ITGB3BP: variants seen among roughly 807,000 people sequenced by gnomAD.
ITGB3BP encodes the protein centromere protein R.
A neutral mutation model predicts 29.1 loss-of-function variants in ITGB3BP; 27 were observed. The ratio of observed to expected loss-of-function variants is 0.93; its 90% confidence interval spans 0.68 to 1.28. ITGB3BP has a LOEUF of 1.28. Ranked by LOEUF, ITGB3BP falls within the 50% of genes most tolerant of loss-of-function variation. The pLI is 0.00. For synonymous variants in ITGB3BP, 61 were observed against 61.4 expected (o/e 0.99, Z 0.03); for missense variants, 192 against 200.2 (o/e 0.96, Z 0.25).
chr1:63,454,736 TTAAA>T lies in ITGB3BP; in HGVS notation c.333+150_333+153del, dbSNP rs1476129373. On this transcript the variant is annotated intron_variant, in intron 5 of 8. Transcript: ENST00000271002. This position sits in a 1 kb window ranked among gnomAD's most constrained non-coding sequence, Gnocchi z 4.1. ...GCAAGATATTACTAAAATATTATGG[TTAAA>T]TAGTGTTCTCCTATTAAAAAAAAAA... Among the ~76,000 whole-genome samples the T allele has an allele frequency of 1.3e-5, 2 of 152,122 alleles. No homozygotes were observed. Among genetic ancestry groups the T allele is most frequent in the African/African-American group, 4.8e-5 (2 of 41,430 alleles).
At chr1:63,467,046 C>T (rs954306197) in intron 4 of ITGB3BP, among the ~76,000 whole-genome samples, 7 of 151,852 alleles carry the variant, frequency 4.6e-5, no homozygotes, top group African/African-American at 1.7e-4. Flanking sequence ...CCATGCTCGG[C>T]TCATTTTTTT....
chr1:63,461,152 G>A (rs928403195), intron 4 of ITGB3BP, among the ~76,000 whole-genome samples: 1 of 150,508 alleles, frequency 6.6e-6, no homozygotes, highest in African/African-American at 2.4e-5. Context: ...TATTCAGCAG[G>A]CTGAGGCCGG....
chr1:63,492,775 A>C (rs7550087), intron 2 of ITGB3BP, among the ~76,000 whole-genome samples: 43,275 of 152,010 alleles, frequency 0.28, 6,383 homozygotes, highest in Non-Finnish European at 0.32. Context: ...CAAAATAAAA[A>C]AAAACAAAAC....
intron 4 of ITGB3BP, among the ~76,000 whole-genome samples, chr1:63,464,971 G>T (rs974443253): frequency 3.9e-5 from 6 of 152,120 alleles, no homozygotes; most frequent in African/African-American, 1.4e-4. Flanking sequence ...AACTATTTAT[G>T]TAATCTTGGA....
At position 63,463,900 on chromosome 1, in the gene ITGB3BP, T is replaced by C. The variant is rs567606325; in HGVS notation, c.255-8932A>G. Among the ~76,000 whole-genome samples, 4 of 152,204 alleles carry C rather than the reference T, an allele frequency of 2.6e-5. No homozygotes were observed. The East Asian group carries it at 7.7e-4, about 29-fold the overall frequency. On this transcript the variant is annotated intron_variant, in intron 4 of 8. Transcript: ENST00000271002. Reference sequence around the variant, plus strand: ...AGGAATTGATTTCAGGACGTATTCATCAGTAAAAAAGGCAAAGTGAAAAGA... The same window carrying C: ...AGGAATTGATTTCAGGACGTATTCACCAGTAAAAAAGGCAAAGTGAAAAGA...
chr1:63,527,233 A>G (rs1013158564), upstream of ITGB3BP, among the ~76,000 whole-genome samples: 2 of 152,208 alleles, frequency 1.3e-5, no homozygotes, highest in East Asian at 1.9e-4. Flanking sequence ...ATGTATTACT[A>G]AGGTGCTATC....
intron 3 of ITGB3BP, among the ~76,000 whole-genome samples, chr1:63,486,827 C>A (rs1645540167): frequency 6.6e-6 from 1 of 151,920 alleles, no homozygotes; most frequent in South Asian, 2.1e-4. Context: ...TACTGCAATA[C>A]ACAATTTACT....
In ITGB3BP at chr1:63,446,876, T is replaced by G. The variant is rs1437181226; in HGVS notation, c.485-20A>C. ...GTGATGCTATATGAAAGAAGAAAGG[T>G]TTTTTTTTTCAGAAAACAATTCAAA... On this transcript the variant is annotated intron_variant, in intron 7 of 8. Coordinates refer to ENST00000271002, the MANE Select transcript of ITGB3BP (RefSeq NM_014288.5). 4.6e-6 allele frequency: 7 copies of G among 1,512,368 alleles called. No homozygotes were observed. The highest frequency in any genetic ancestry group is 6.3e-6 in the Non-Finnish European group (7 of 1,107,664). The allele number at this position is 1,512,368 out of a possible 1,614,324, so 93.7% of individuals were successfully genotyped here.
intron 2 of ITGB3BP, among the ~76,000 whole-genome samples, chr1:63,505,599 A>G (rs1477844574): frequency 6.6e-6 from 1 of 151,676 alleles, no homozygotes; most frequent in Non-Finnish European, 1.5e-5. Context: ...TTTAATTGTG[A>G]TGTTAGGGGG....
chr1:63,468,862 AAAATAAAT>A lies in ITGB3BP; in HGVS notation c.254+9894_254+9901del, dbSNP rs71045901. ...GGCAATAAGAGCAAAACTCTGTCTC[AAAATAAAT>A]AAATAAATAAATAAATAAATAAATA... On this transcript the variant is annotated intron_variant, in intron 4 of 8. Coordinates refer to ENST00000271002, the MANE Select transcript of ITGB3BP (RefSeq NM_014288.5). Among the ~76,000 whole-genome samples the A allele has an allele frequency of 3.3e-3, 462 of 139,366 alleles. 1 individual carries two copies. Among genetic ancestry groups the A allele is most frequent in the Admixed American group, 5.7e-3 (79 of 13,908 alleles). The allele number at this position is 139,366 out of a possible 152,430, so 91.4% of individuals were successfully genotyped here.
chr1:63,508,837 G>C (rs2036869), intron 1 of ITGB3BP, among the ~76,000 whole-genome samples: 2 of 151,730 alleles, frequency 1.3e-5, no homozygotes, highest in Non-Finnish European at 2.9e-5. Context: ...AAGGACTACC[G>C]TACAATTTAA....
At chr1:63,444,528 A>G (rs1452914463) in intron 8 of ITGB3BP, among the ~76,000 whole-genome samples, 4 of 147,728 alleles carry the variant, frequency 2.7e-5, no homozygotes, top group African/African-American at 9.9e-5. Context: ...ATATATGTAC[A>G]TATATGTAGG....
Position 63,441,119 on chromosome 1 carries a change from GATAATT to G in ITGB3BP, c.*2-22_*2-17del, listed in dbSNP as rs1644724066. Reference sequence around the variant, plus strand: ...TTCTTAATGCCTGTGAGATATAAAAGATAATTATATTATCAAGAATTAGTTAACATG... The same window carrying G: ...TTCTTAATGCCTGTGAGATATAAAAGATATTATCAAGAATTAGTTAACATG... On this transcript the variant is annotated splice_polypyrimidine_tract_variant and intron_variant, in intron 8 of 8. Transcript: ENST00000271002. 1 of 152,298 alleles carries G rather than the reference GATAATT, an allele frequency of 6.6e-6. No homozygotes were observed. The highest frequency in any genetic ancestry group is 2.4e-5 in the African/African-American group (1 of 41,430). The allele number at this position is 152,298 out of a possible 1,614,324, so 9.4% of individuals were successfully genotyped here. A position where few individuals can be genotyped will look rare whatever the true frequency, so the allele number is the denominator to read the frequency against.
intron 1 of ITGB3BP, among the ~76,000 whole-genome samples, chr1:63,511,922 T>C (rs555368832): frequency 2.8e-4 from 42 of 152,054 alleles, no homozygotes; most frequent in Non-Finnish European, 5.3e-4. Context: ...ACCTAAAAAA[T>C]GATTAAAATA....
intron 4 of ITGB3BP, among the ~76,000 whole-genome samples, chr1:63,475,122 G>A (rs1301608878): frequency 6.6e-6 from 1 of 151,902 alleles, no homozygotes; most frequent in Non-Finnish European, 1.5e-5. Context: ...TCACAGGTGT[G>A]CACAACCACA....
chr1:63,463,900 T>G (rs567606325), intron 4 of ITGB3BP, among the ~76,000 whole-genome samples: 3 of 152,086 alleles, frequency 2.0e-5, no homozygotes, highest in African/African-American at 7.2e-5. Context: ...GACGTATTCA[T>G]CAGTAAAAAA....
chr1:63,505,168 AATT>A (rs1203607944), intron 2 of ITGB3BP, among the ~76,000 whole-genome samples: 1 of 152,094 alleles, frequency 6.6e-6, no homozygotes, highest in Non-Finnish European at 1.5e-5. Flanking sequence ...GTAAGCTAAT[AATT>A]ATTGCCTCAA....
chr1:63,516,303 A>T (rs1646320628), intron 1 of ITGB3BP, among the ~76,000 whole-genome samples: 1 of 133,210 alleles, frequency 7.5e-6, no homozygotes, highest in Non-Finnish European at 1.6e-5. Flanking sequence ...TCTCAAAAAA[A>T]AAAAAAAAAA....
chr1:63,488,001 C>T (rs147079168), intron 3 of ITGB3BP, among the ~76,000 whole-genome samples: 1,591 of 152,190 alleles, frequency 0.01, 12 homozygotes, highest in Non-Finnish European at 0.016. Flanking sequence ...GCTGCATGAA[C>T]GCATCTGTTA....
Sources: allele counts gnomAD v4.1 joint callset (sites outside exome capture counted in the v4.1 genomes callset), GRCh38; gene constraint gnomAD v4.1.1; non-coding constraint Gnocchi (gnomAD v3.1); transcripts MANE v1.5; gene names NCBI Gene and HGNC (gene_info 2026-07-23, HGNC 2026-07-21).